The following PCED1B variants were observed in gnomAD, a reference collection of about 807,000 sequenced individuals.
PCED1B encodes the protein PC-esterase domain-containing protein 1B.
For synonymous variants in PCED1B, 251 were observed against 246.1 expected (o/e 1.02, Z -0.19); for missense variants, 573 against 573.9 (o/e 1.00, Z 0.02).
intron 2 of PCED1B, among the ~76,000 whole-genome samples, chr12:47,200,439 A>C (rs193120992): frequency 1.3e-5 from 2 of 152,212 alleles, no homozygotes; most frequent in Admixed American, 1.3e-4. Context: ...AACACTGACA[A>C]CACCAAATGC....
At chr12:47,109,205 G>A (rs2137253256) in intron 2 of PCED1B, among the ~76,000 whole-genome samples, 1 of 152,318 alleles carries the variant, frequency 6.6e-6, no homozygotes, top group African/African-American at 2.4e-5. Context: ...GATTTAGGAT[G>A]TAGAAGTCCC....
chr12:47,221,184 G>A (rs11183810), intron 3 of PCED1B, among the ~76,000 whole-genome samples: 1,659 of 152,168 alleles, frequency 0.011, 20 homozygotes, highest in Middle Eastern at 0.02. Context: ...AAAATTGGGG[G>A]AAAGTAAAAT....
At chr12:47,232,750 A>C (rs1473297611) in intron 3 of PCED1B, among the ~76,000 whole-genome samples, 2 of 152,170 alleles carry the variant, frequency 1.3e-5, no homozygotes, top group African/African-American at 2.4e-5. Flanking sequence ...ATTGCATCCA[A>C]TGTGTTGGAG....
intron 2 of PCED1B, among the ~76,000 whole-genome samples, chr12:47,202,358 T>G (rs1409048255): frequency 6.6e-6 from 1 of 152,198 alleles, no homozygotes; most frequent in African/African-American, 2.4e-5. Flanking sequence ...TTCCAGGTTA[T>G]GCCAGACTGG....
intron 2 of PCED1B, among the ~76,000 whole-genome samples, chr12:47,160,578 C>A (rs1276642606): frequency 1.3e-5 from 2 of 151,952 alleles, no homozygotes; most frequent in East Asian, 3.9e-4. Context: ...AAGTGCTGAG[C>A]CACTTTGGGA....
chr12:47,122,483 T>C (rs1181238261), intron 2 of PCED1B, among the ~76,000 whole-genome samples: 4 of 152,210 alleles, frequency 2.6e-5, no homozygotes, highest in Non-Finnish European at 2.9e-5. Flanking sequence ...GAAAAATAAA[T>C]GTCTTCCTTA....
intron 1 of PCED1B, among the ~76,000 whole-genome samples, chr12:47,083,289 G>T (rs1160831232): frequency 6.6e-6 from 1 of 151,970 alleles, no homozygotes; most frequent in East Asian, 1.9e-4. Flanking sequence ...TCTACCACGC[G>T]TCCTGTAGTC....
intron 2 of PCED1B, among the ~76,000 whole-genome samples, chr12:47,164,003 G>A (rs1327053809): frequency 6.6e-6 from 1 of 152,136 alleles, no homozygotes; most frequent in Non-Finnish European, 1.5e-5. Context: ...TCCTATGGAA[G>A]GGAATTAATC....
At chr12:47,198,852 G>A (rs1435743368) in intron 2 of PCED1B, among the ~76,000 whole-genome samples, 1 of 152,020 alleles carries the variant, frequency 6.6e-6, no homozygotes, top group African/African-American at 2.4e-5. Context: ...TGTAATCCCA[G>A]CTACTTGGGA....
At position 47,232,424 on chromosome 12, in the gene PCED1B, A is replaced by G. The variant is rs373343890; in HGVS notation, c.-57-2583A>G. Among the ~76,000 whole-genome samples, 488 of 152,334 alleles carry G rather than the reference A, an allele frequency of 3.2e-3. 2 individuals carry two copies. The highest frequency in any genetic ancestry group is 0.011 in the African/African-American group (460 of 41,580). ...TATTTTCATTTTTGTATTTATACCC[A>G]TTTAAAACTACAAATAGGATATATA... is the stretch of plus-strand genomic sequence containing the variant. On this transcript the variant is annotated intron_variant, in intron 3 of 3. Coordinates refer to ENST00000546455, the MANE Select transcript of PCED1B (RefSeq NM_138371.3).
chr12:47,221,722 C>T (rs1173775691), intron 3 of PCED1B, among the ~76,000 whole-genome samples: 1 of 152,154 alleles, frequency 6.6e-6, no homozygotes, highest in African/African-American at 2.4e-5. Flanking sequence ...GCAATATTTA[C>T]ATTTAGGGAG....
At chr12:47,167,003 G>A (rs1941565506) in intron 2 of PCED1B, among the ~76,000 whole-genome samples, 1 of 152,182 alleles carries the variant, frequency 6.6e-6, no homozygotes, top group African/African-American at 2.4e-5. Context: ...AAGGAAAAGG[G>A]ATTTGGGACT....
chr12:47,109,173 T>A (rs536955426), intron 2 of PCED1B, among the ~76,000 whole-genome samples: 1 of 152,216 alleles, frequency 6.6e-6, no homozygotes, highest in African/African-American at 2.4e-5. Flanking sequence ...TAGAAGAAAT[T>A]TTCAAGAAGA....
chr12:47,090,136 T>G (rs1023470271), intron 1 of PCED1B, among the ~76,000 whole-genome samples: 18 of 152,280 alleles, frequency 1.2e-4, no homozygotes, highest in Non-Finnish European at 2.2e-4. Context: ...AAAATTGCCC[T>G]TTCTATTAAA....
intron 2 of PCED1B, among the ~76,000 whole-genome samples, chr12:47,211,847 G>A (rs559796310): frequency 3.0e-5 from 4 of 134,216 alleles, no homozygotes; most frequent in Non-Finnish European, 6.4e-5. Context: ...AGGCCGAGGC[G>A]GGCGGATCAC....
At chr12:47,140,696 C>T (rs1940559394) in intron 2 of PCED1B, among the ~76,000 whole-genome samples, 1 of 152,096 alleles carries the variant, frequency 6.6e-6, no homozygotes, top group African/African-American at 2.4e-5. Context: ...AAAGATATGA[C>T]AGAATTTTCC....
At chr12:47,080,965 C>G (rs565016085) in intron 1 of PCED1B, among the ~76,000 whole-genome samples, 20 of 152,272 alleles carry the variant, frequency 1.3e-4, no homozygotes, top group African/African-American at 4.8e-4. Context: ...CCGGAGATGC[C>G]GCGGCCGACC....
At chr12:47,107,600 G>A (rs975979680) in intron 2 of PCED1B, among the ~76,000 whole-genome samples, 24 of 152,234 alleles carry the variant, frequency 1.6e-4, no homozygotes, top group Non-Finnish European at 1.6e-4. Flanking sequence ...GACTCCAGCA[G>A]GCAGCAGCAG....
At chr12:47,104,075 G>A (rs1489530705) in intron 1 of PCED1B, 38 bp from the exon 2 acceptor site, 1 of 152,106 alleles carries the variant, frequency 6.6e-6, no homozygotes, top group Non-Finnish European at 1.5e-5. Context: ...AGGGGTGATG[G>A]AAAATGAATA....
Sources: gnomAD v4.1 joint callset for allele counts (sites outside exome capture counted in the v4.1 genomes callset) on GRCh38, gnomAD v4.1.1 for gene constraint, MANE v1.5 for transcripts, NCBI Gene and HGNC (gene_info 2026-07-23, HGNC 2026-07-21) for gene names.